The following SGCD variants were observed in gnomAD, a reference collection of about 807,000 sequenced individuals.
SGCD encodes the protein delta-sarcoglycan.
In SGCD, 18 loss-of-function variants were observed where a neutral mutation model predicts 36.6. That is an observed-to-expected ratio of 0.49 (90% confidence interval 0.34 to 0.73). The LOEUF is 0.73. Among genes scored for constraint, SGCD ranks in the 30% least tolerant of loss-of-function variants. SGCD has a pLI of 0.01. For missense variants in SGCD, 387 were observed against 346.7 expected, an observed-to-expected ratio of 1.12 and a Z score of -0.92; for synonymous variants, 133 against 130.6, an observed-to-expected ratio of 1.02 and a Z score of -0.12.
intron 3 of SGCD, among the ~76,000 whole-genome samples, chr5:156,465,121 G>A (rs1754664557): frequency 6.6e-6 from 1 of 152,088 alleles, no homozygotes. Context: ...GATTCAGGGA[G>A]GGGCGTGTGT....
At chr5:155,858,439 G>A in the SGCD span, among the ~76,000 whole-genome samples, 1 of 152,016 alleles carries the variant, frequency 6.6e-6, no homozygotes, top group Non-Finnish European at 1.5e-5. Flanking sequence ...ACATAATTTT[G>A]AAGGAATCTG....
rs1384511281 is a variant in SGCD at position 155,922,141 on chromosome 5, T to C, written c.-282+51717T>C. On this transcript the variant is annotated intron_variant, in intron 1 of 9. Coordinates refer to the SGCD transcript ENST00000517913. ...CTCTATGGCAAGTGGTCAACCTTTC[T>C]GACCCTCTGTTTCTTTGTCCTTAAG... is the stretch of plus-strand genomic sequence containing the variant. 2.0e-5 allele frequency among the ~76,000 whole-genome samples: 3 copies of C among 152,234 alleles called. 1 individual carries two copies. Among genetic ancestry groups the C allele is most frequent in the Non-Finnish European group, 4.4e-5 (3 of 68,038 alleles).
intron 1 of SGCD, among the ~76,000 whole-genome samples, chr5:156,005,833 C>T (rs1326089914): frequency 1.3e-5 from 2 of 152,154 alleles, no homozygotes; most frequent in South Asian, 2.1e-4. Flanking sequence ...CGTTCACAGT[C>T]CCACAAGCTT....
chr5:156,576,642 TTG>T (rs1246921018), intron 4 of SGCD, among the ~76,000 whole-genome samples: 5 of 152,242 alleles, frequency 3.3e-5, no homozygotes, highest in African/African-American at 1.2e-4. Flanking sequence ...TGGTATCTCA[TTG>T]TGTTTTTTAT....
intron 6 of SGCD, among the ~76,000 whole-genome samples, chr5:156,642,382 C>T (rs993453127): frequency 2.0e-5 from 3 of 151,584 alleles, no homozygotes; most frequent in Non-Finnish European, 4.4e-5. Context: ...TGAGGCTCTG[C>T]AATCCCTGAG....
At chr5:156,554,761 C>A (rs1758950181) in intron 4 of SGCD, among the ~76,000 whole-genome samples, 1 of 151,854 alleles carries the variant, frequency 6.6e-6, no homozygotes, top group Non-Finnish European at 1.5e-5. Context: ...CCTAGGAATG[C>A]AATTGCTGGG....
intron 7 of SGCD, among the ~76,000 whole-genome samples, chr5:156,686,228 A>G (rs1301566153): frequency 1.3e-5 from 2 of 152,118 alleles, no homozygotes; most frequent in African/African-American, 4.8e-5. Flanking sequence ...GAATTTATTA[A>G]TCCAAGGTCA....
At chr5:156,026,925 A>G (rs1759236735) in intron 1 of SGCD, among the ~76,000 whole-genome samples, 1 of 152,214 alleles carries the variant, frequency 6.6e-6, no homozygotes, top group Non-Finnish European at 1.5e-5. Context: ...AAATGATGAA[A>G]AAAAATATGA....
intron 3 of SGCD, among the ~76,000 whole-genome samples, chr5:156,394,913 G>T (rs973535574): frequency 6.6e-6 from 1 of 152,164 alleles, no homozygotes; most frequent in Non-Finnish European, 1.5e-5. Flanking sequence ...ATTCATATTG[G>T]CTAGAACAGG....
chr5:156,699,925 T>A (rs529767284), intron 7 of SGCD, among the ~76,000 whole-genome samples: 1 of 152,278 alleles, frequency 6.6e-6, no homozygotes, highest in Non-Finnish European at 1.5e-5. Flanking sequence ...AAAGTGGCAT[T>A]TAAGAGAAGT....
At chr5:156,208,678 T>C (rs992383494) in intron 3 of SGCD, among the ~76,000 whole-genome samples, 10 of 152,214 alleles carry the variant, frequency 6.6e-5, no homozygotes, top group Admixed American at 4.6e-4. Flanking sequence ...ATGATACTTA[T>C]TGTGTTTGGT....
At chr5:155,781,255 A>G in the SGCD span, among the ~76,000 whole-genome samples, 1 of 152,146 alleles carries the variant, frequency 6.6e-6, no homozygotes, top group South Asian at 2.1e-4. Flanking sequence ...TTTGGTAAAT[A>G]AGACATGGAG....
intron 6 of SGCD, among the ~76,000 whole-genome samples, chr5:156,603,286 G>A (rs73299156): frequency 0.053 from 8,018 of 151,782 alleles, 704 homozygotes; most frequent in African/African-American, 0.18. Context: ...GAGTTGTAAC[G>A]TTTACTTTTT....
At chr5:155,893,280 GT>G (rs2113321744) in intron 1 of SGCD, among the ~76,000 whole-genome samples, 1 of 152,076 alleles carries the variant, frequency 6.6e-6, no homozygotes, top group Admixed American at 6.6e-5. Context: ...AAAATAAAAC[GT>G]TAGAAAAAAG....
rs141036875 is a variant in SGCD, at chr5:156,221,270, G to A, written c.-44+97251G>A. ...TGTTATAACTTGTAGAAGGTGAGAC[G>A]GTACAATTCTTGAAGTTTATTTAAA... On this transcript the variant is annotated intron_variant, in intron 3 of 9. Coordinates refer to the SGCD transcript ENST00000517913. Among the ~76,000 whole-genome samples the A allele has an allele frequency of 2.4e-3, 367 of 151,888 alleles. 3 individuals are homozygous for A. The highest frequency in any genetic ancestry group is 8.6e-3 in the African/African-American group (356 of 41,436).
At chr5:155,936,856 T>C (rs967946392) in intron 1 of SGCD, among the ~76,000 whole-genome samples, 1 of 152,080 alleles carries the variant, frequency 6.6e-6, no homozygotes, top group African/African-American at 2.4e-5. Context: ...TCAGTCTCCC[T>C]CCCATGCTCC....
At chr5:156,042,187 A>AT (rs397882265) in intron 1 of SGCD, among the ~76,000 whole-genome samples, 33,546 of 146,986 alleles carry the variant, frequency 0.23, 6,510 homozygotes, top group African/African-American at 0.52. Context: ...TAAAATAGGT[A>AT]TTTTTTTTTT....
At chr5:156,550,341 T>C (rs183118478) in intron 4 of SGCD, among the ~76,000 whole-genome samples, 287 of 152,340 alleles carry the variant, frequency 1.9e-3, no homozygotes, top group African/African-American at 6.9e-3. Flanking sequence ...AGAAGGGCTT[T>C]CTTTTCATGA....
chr5:156,304,113 G>T (rs551980981), intron 3 of SGCD, among the ~76,000 whole-genome samples: 3 of 152,256 alleles, frequency 2.0e-5, no homozygotes, highest in African/African-American at 7.2e-5. Flanking sequence ...AGCCTATAGT[G>T]GTGGGCTAGC....
Sources: allele counts gnomAD v4.1 joint callset (sites outside exome capture counted in the v4.1 genomes callset), GRCh38; gene constraint gnomAD v4.1.1; transcripts MANE v1.5; gene names NCBI Gene and HGNC (gene_info 2026-07-23, HGNC 2026-07-21).